The following RBM47 variants were observed in gnomAD, a reference collection of about 807,000 sequenced individuals.
RBM47 encodes RNA binding motif protein 47, also known as RNA-binding protein 47.
In RBM47, 21 loss-of-function variants were observed where a neutral mutation model predicts 47.1. That is an observed-to-expected ratio of 0.45 (90% CI 0.32 to 0.64). RBM47 has a LOEUF of 0.64. RBM47 is among the 30% of genes least tolerant of loss of function. The pLI is 0.05. For synonymous variants in RBM47, 375 were observed against 361.7 expected, an observed-to-expected ratio of 1.04 and a Z score of -0.42; for missense variants, 708 against 870.9, an observed-to-expected ratio of 0.81 and a Z score of 2.35.
chr4:40,540,656 ATAATAAT>A lies in RBM47; in HGVS notation c.-155+3759_-155+3765del, dbSNP rs756974302. On this transcript the variant is annotated intron_variant, in intron 2 of 6. Transcript: ENST00000295971. ...TCTGTCTCAAAAAAAAAAAAAAATA[ATAATAAT>A]AATAATAATAATAATAAATGGGGAA... Among the ~76,000 whole-genome samples the A allele has an allele frequency of 8.7e-4, 94 of 107,686 alleles. 1 individual carries two copies. The highest frequency in any genetic ancestry group is 5.2e-3 in the Middle Eastern group (1 of 192). 70.6% of individuals were successfully genotyped at this position (107,686 alleles called of 152,430 possible).
chr4:40,586,930 T>A (rs1455410722), intron 1 of RBM47, among the ~76,000 whole-genome samples: 1 of 152,162 alleles, frequency 6.6e-6, no homozygotes, highest in Non-Finnish European at 1.5e-5. Flanking sequence ...GACAACGGCA[T>A]GACCTTGGGC....
chr4:40,528,757 A>G (rs1212998328), intron 2 of RBM47, among the ~76,000 whole-genome samples: 1 of 149,172 alleles, frequency 6.7e-6, no homozygotes, highest in Non-Finnish European at 1.5e-5. Flanking sequence ...AGAGTAAGTA[A>G]GACCCTGTTT....
chr4:40,610,572 T>C (rs896899899), intron 1 of RBM47, among the ~76,000 whole-genome samples: 2 of 136,992 alleles, frequency 1.5e-5, no homozygotes, highest in African/African-American at 5.7e-5. Flanking sequence ...ATCGCGCCAC[T>C]GCACTCCAGC....
At chr4:40,458,490 T>A (rs1156461605) in intron 3 of RBM47, among the ~76,000 whole-genome samples, 1 of 152,220 alleles carries the variant, frequency 6.6e-6, no homozygotes, top group Non-Finnish European at 1.5e-5. Flanking sequence ...AAGTCATGAG[T>A]TAAAATACTT....
chr4:40,614,139 G>T (rs1367866512), intron 1 of RBM47, among the ~76,000 whole-genome samples: 2 of 152,086 alleles, frequency 1.3e-5, no homozygotes, highest in East Asian at 3.9e-4. Flanking sequence ...TGAGAGTTAA[G>T]AATCAAATCT....
At chr4:40,437,713 CCCTG>C in intron 4 of RBM47, 54 bp downstream of exon 4, 1 of 1,476,702 alleles carries the variant, frequency 6.8e-7, no homozygotes, top group Non-Finnish European at 9.3e-7. Flanking sequence ...CCCTGGTGCC[CCCTG>C]CCTAGGAGGC....
At chr4:40,566,432 G>A (rs1731112506) in intron 1 of RBM47, among the ~76,000 whole-genome samples, 1 of 151,804 alleles carries the variant, frequency 6.6e-6, no homozygotes, top group Admixed American at 6.6e-5. Context: ...GGATCACGAG[G>A]TCAGGAGTTT....
At chr4:40,552,676 T>C (rs1729675290) in intron 1 of RBM47, among the ~76,000 whole-genome samples, 1 of 152,206 alleles carries the variant, frequency 6.6e-6, no homozygotes, top group South Asian at 2.1e-4. Context: ...TCCAGAGTCC[T>C]TCCCCAGGTT....
intron 1 of RBM47, among the ~76,000 whole-genome samples, chr4:40,586,923 AACGGCATGACCTTGGGCACATC>A (rs1261784728): frequency 6.6e-6 from 1 of 152,090 alleles, no homozygotes; most frequent in Non-Finnish European, 1.5e-5. Flanking sequence ...CATTTCAGAC[AACGGCATGACCTTGGGCACATC>A]ACGTGATTTC....
chr4:40,573,560 T>C (rs1208036364), intron 1 of RBM47, among the ~76,000 whole-genome samples: 1 of 151,740 alleles, frequency 6.6e-6, no homozygotes, highest in East Asian at 1.9e-4. Context: ...CTGGCCAACA[T>C]GGTGAAACCC....
At chr4:40,440,621 T>C (rs1273756042) in intron 3 of RBM47, among the ~76,000 whole-genome samples, 1 of 152,230 alleles carries the variant, frequency 6.6e-6, no homozygotes, top group African/African-American at 2.4e-5. Flanking sequence ...TAATTTGCTC[T>C]AATATCAAGC....
intron 1 of RBM47, among the ~76,000 whole-genome samples, chr4:40,619,212 T>C (rs1216442410): frequency 1.3e-5 from 2 of 152,132 alleles, no homozygotes; most frequent in Non-Finnish European, 2.9e-5. Flanking sequence ...ATGGATTATT[T>C]GAGCCCAGAA....
intron 3 of RBM47, among the ~76,000 whole-genome samples, chr4:40,457,116 A>T (rs1209252554): frequency 6.6e-6 from 1 of 152,106 alleles, no homozygotes; most frequent in Non-Finnish European, 1.5e-5. Context: ...ATAGAATTTT[A>T]AAAAATTTTA....
chr4:40,611,002 G>A (rs1261986358), intron 1 of RBM47, among the ~76,000 whole-genome samples: 1 of 152,142 alleles, frequency 6.6e-6, no homozygotes, highest in Non-Finnish European at 1.5e-5. Flanking sequence ...TCAGCAGCAT[G>A]AAAACAGACT....
At chr4:40,478,444 G>C (rs1376545917) in intron 2 of RBM47, among the ~76,000 whole-genome samples, 1 of 152,146 alleles carries the variant, frequency 6.6e-6, no homozygotes, top group Non-Finnish European at 1.5e-5. Context: ...GTCTGAGGCT[G>C]TGGAGAAAAG....
chr4:40,442,892 T>C (rs1207330346), intron 3 of RBM47, among the ~76,000 whole-genome samples: 1 of 152,158 alleles, frequency 6.6e-6, no homozygotes, highest in Non-Finnish European at 1.5e-5. Flanking sequence ...CAGGCTGGTC[T>C]TGAACTCCTG....
intron 1 of RBM47, among the ~76,000 whole-genome samples, chr4:40,607,831 G>A (rs532659685): frequency 3.5e-4 from 53 of 152,228 alleles, no homozygotes; most frequent in African/African-American, 1.1e-3. Flanking sequence ...TCAGCCAGGC[G>A]CGGTGTCTCG....
At chr4:40,471,496 G>A (rs1393549069) in intron 2 of RBM47, among the ~76,000 whole-genome samples, 4 of 151,996 alleles carry the variant, frequency 2.6e-5, no homozygotes, top group Admixed American at 6.5e-5. Flanking sequence ...TCAGGAGTTC[G>A]AGACCAGCCT....
intron 1 of RBM47, among the ~76,000 whole-genome samples, chr4:40,606,211 AAAAG>A (rs537048671): frequency 1.3e-4 from 20 of 152,110 alleles, no homozygotes; most frequent in African/African-American, 2.4e-4. Context: ...AAAAAAACAA[AAAAG>A]AAAGAAAGAA....
Sources: gnomAD v4.1 joint callset for allele counts (sites outside exome capture counted in the v4.1 genomes callset) on GRCh38, gnomAD v4.1.1 for gene constraint, MANE v1.5 for transcripts, NCBI Gene and HGNC (gene_info 2026-07-23, HGNC 2026-07-21) for gene names.